TDP1: variants seen among roughly 807,000 people sequenced by gnomAD.
The protein encoded by TDP1 is tyr-DNA phosphodiesterase 1.
TDP1 carries 64 observed loss-of-function variants against 81.5 expected under a neutral mutation model. The observed-to-expected ratio is 0.79, with a 90% CI of 0.64 to 0.97. TDP1 has a LOEUF of 0.97. Among genes scored for constraint, TDP1 ranks in the 50% least tolerant of loss-of-function variants. The probability of loss-of-function intolerance (pLI) is 0.00; values close to 1 mark genes in which losing one functional copy is unlikely to be tolerated. For missense variants in TDP1, 723 were observed against 743.8 expected, an observed-to-expected ratio of 0.97 and a Z score of 0.33; for synonymous variants, 256 against 264.3, an observed-to-expected ratio of 0.97 and a Z score of 0.30.
chr14:89,983,794 A>G (rs1229189935), intron 8 of TDP1, among the ~76,000 whole-genome samples: 1 of 152,234 alleles, frequency 6.6e-6, no homozygotes, highest in Non-Finnish European at 1.5e-5. Context: ...TATAATGTAG[A>G]AGTTTTGGCA....
At chr14:90,040,537 C>G (rs949085497) in intron 16 of TDP1, among the ~76,000 whole-genome samples, 1 of 152,224 alleles carries the variant, frequency 6.6e-6, no homozygotes, top group Non-Finnish European at 1.5e-5. Context: ...GCTTGTCTGT[C>G]TTCCCCACTG....
chr14:90,032,658 A>G (rs145103409), intron 15 of TDP1: 1 of 785,706 alleles, frequency 1.3e-6, no homozygotes, highest in Non-Finnish European at 1.5e-6. Context: ...CTGTCACATT[A>G]TATTGGAACA....
At chr14:90,003,501 A>T (rs527730700) in intron 14 of TDP1, among the ~76,000 whole-genome samples, 1 of 152,224 alleles carries the variant, frequency 6.6e-6, no homozygotes, top group Non-Finnish European at 1.5e-5. Flanking sequence ...TAGGGAAATT[A>T]TTGGGACATG....
At chr14:90,033,318 C>A (rs1887499610) in intron 16 of TDP1, 104 bp downstream of exon 16, 2 of 755,994 alleles carry the variant, frequency 2.6e-6, no homozygotes, top group Non-Finnish European at 4.7e-6. Context: ...TCATGGAACC[C>A]TCTGGAAGCT....
At chr14:89,973,091 C>T (rs1458363037) in intron 6 of TDP1, among the ~76,000 whole-genome samples, 1 of 152,138 alleles carries the variant, frequency 6.6e-6, no homozygotes, top group Non-Finnish European at 1.5e-5. Context: ...CAACATTTTC[C>T]TTATGATTTA....
At chr14:90,020,476 TTCCCTCCCTCCCTCCC>T in intron 15 of TDP1, among the ~76,000 whole-genome samples, 1 of 78,270 alleles carries the variant, frequency 1.3e-5, no homozygotes, top group Non-Finnish European at 2.4e-5. Context: ...TGCTTTTTCC[TTCCCTCCCTCCCTCCC>T]TCCCTCCCTC....
intron 6 of TDP1, among the ~76,000 whole-genome samples, chr14:89,973,896 T>C (rs12100574): frequency 0.021 from 3,167 of 152,212 alleles, 102 homozygotes; most frequent in African/African-American, 0.073. Flanking sequence ...GATGGCCACG[T>C]TCTCACGGTG....
In TDP1 at chr14:89,992,917, G is replaced by A. The variant is rs1363641472; in HGVS notation, c.1434-459G>A. On this transcript the variant is annotated intron_variant, in intron 13 of 16. Coordinates refer to ENST00000335725, the MANE Select transcript of TDP1 (RefSeq NM_018319.4). ...ATTTGACTAAAGTATTTCTGCCCTC[G>A]CTTTTCAACATTCATTTTTTTCATA... The A allele has an allele frequency of 2.7e-5, 27 of 984,830 alleles. No homozygotes were observed. In the South Asian group the frequency reaches 4.2e-4, roughly 15 times the overall value. 61.0% of individuals were successfully genotyped at this position (984,830 alleles called of 1,614,324 possible).
At chr14:90,020,374 C>CCTT (rs1566915337) in intron 15 of TDP1, among the ~76,000 whole-genome samples, 7 of 112,680 alleles carry the variant, frequency 6.2e-5, no homozygotes, top group South Asian at 3.0e-4. Flanking sequence ...CTCCCTCCCT[C>CCTT]CCTTCCTTCC....
intron 2 of TDP1, among the ~76,000 whole-genome samples, chr14:89,960,746 G>A (rs1278845686): frequency 3.9e-5 from 6 of 152,172 alleles, no homozygotes; most frequent in Non-Finnish European, 8.8e-5. Flanking sequence ...TTGCATAAAA[G>A]TTCCTTGAAA....
rs574277762 is a variant in TDP1, at chr14:90,012,945, C to T, written c.1542-6371C>T. Among the ~76,000 whole-genome samples the T allele has an allele frequency of 2.0e-5, 3 of 152,338 alleles. No individual in the cohort carries two copies. In the East Asian group the frequency reaches 5.8e-4, roughly 29 times the overall value. The stretch of plus-strand genomic sequence containing the variant: ...TGTGAGACATGGAGTCAAAGGAGAT[C>T]ATTTCGGAGCTTTAAGATTTGACTG... On this transcript the variant is annotated intron_variant, in intron 14 of 16. Coordinates refer to ENST00000335725, the MANE Select transcript of TDP1 (RefSeq NM_018319.4).
intron 2 of TDP1, among the ~76,000 whole-genome samples, chr14:89,961,508 G>T (rs1403585501): frequency 1.3e-5 from 2 of 152,294 alleles, no homozygotes; most frequent in African/African-American, 4.8e-5. Context: ...ACCCTTGCTT[G>T]GCATGGCCTT....
intron 16 of TDP1, among the ~76,000 whole-genome samples, chr14:90,034,363 G>A (rs764658962): frequency 2.0e-5 from 3 of 152,146 alleles, no homozygotes; most frequent in Non-Finnish European, 4.4e-5. Context: ...AGGTCCCCAG[G>A]GGCTACACTT....
rs1359252499 is a variant in TDP1 at position 89,993,210 on chromosome 14, C to G, written c.1434-166C>G. ...GGGAAGTTTATAATTCTAAAATGGG[C>G]ATGCGTTACTTGAATGGAGTTTCAT... On this transcript the variant is annotated intron_variant, in intron 13 of 16. Transcript: ENST00000335725. The G allele has an allele frequency of 5.4e-6, 5 of 927,742 alleles. No homozygotes were observed. The African/African-American group carries it at 8.9e-5, about 17-fold the overall frequency. 57.5% of individuals were successfully genotyped at this position (927,742 alleles called of 1,614,324 possible).
At chr14:89,956,859 A>G (rs1891713484) in intron 2 of TDP1, 59 bp downstream of exon 2, 1 of 152,330 alleles carries the variant, frequency 6.6e-6, no homozygotes, top group Non-Finnish European at 1.5e-5. Flanking sequence ...AGATTGCGCC[A>G]TTGCGCTCCA....
At chr14:89,961,610 G>A (rs1892335657) in intron 2 of TDP1, among the ~76,000 whole-genome samples, 1 of 152,084 alleles carries the variant, frequency 6.6e-6, no homozygotes, top group Admixed American at 6.6e-5. Flanking sequence ...CCGCAGAAGG[G>A]AGGGGATATA....
intron 14 of TDP1, among the ~76,000 whole-genome samples, chr14:90,012,031 G>A (rs1884769730): frequency 6.6e-6 from 1 of 152,212 alleles, no homozygotes; most frequent in Non-Finnish European, 1.5e-5. Context: ...TGTGGGCCAG[G>A]CCCAGGCCCT....
intron 14 of TDP1, among the ~76,000 whole-genome samples, chr14:90,016,251 T>G (rs1029377037): frequency 1.3e-5 from 2 of 152,016 alleles, no homozygotes; most frequent in African/African-American, 4.8e-5. Context: ...TCCATGTTGG[T>G]AAGACTGGTC....
intron 15 of TDP1, among the ~76,000 whole-genome samples, chr14:90,024,752 G>T (rs1167970097): frequency 6.6e-6 from 1 of 152,152 alleles, no homozygotes; most frequent in African/African-American, 2.4e-5. Context: ...ATATCTTAAA[G>T]ATTTCTGTAT....
Sources: allele counts gnomAD v4.1 joint callset (sites outside exome capture counted in the v4.1 genomes callset), GRCh38; gene constraint gnomAD v4.1.1; transcripts MANE v1.5; gene names NCBI Gene and HGNC (gene_info 2026-07-23, HGNC 2026-07-21).